GANC: variants seen among roughly 807,000 people sequenced by gnomAD.
GANC encodes the protein glucosidase alpha, neutral C.
A neutral mutation model predicts 124.2 loss-of-function variants in GANC; 117 were observed. That is an observed-to-expected ratio of 0.94 (90% CI 0.81 to 1.10). The LOEUF (loss-of-function observed/expected upper bound fraction) is 1.10, where lower values mean the gene tolerates loss of function less well. Ranked by LOEUF, GANC falls within the 50% of genes least tolerant of loss-of-function variation. GANC has a pLI of 0.00. For synonymous variants in GANC, 377 were observed against 376.8 expected (o/e 1.00, Z -0.01); for missense variants, 1,140 against 1,095.0 (o/e 1.04, Z -0.58).
rs146338244 is a variant in GANC, at chr15:42,330,606, C to T, written c.1675C>T (p.Arg559Ter). 43 of 1,611,468 alleles carry T rather than the reference C, an allele frequency of 2.7e-5. No individual in the cohort carries two copies. In the South Asian group the frequency reaches 3.1e-4, roughly 12 times the overall value. Residue 559 changes from arginine (R) to a stop codon, truncating the protein, a stop_gained, in exon 15 of 24, where the codon CGA becomes TGA. Transcript: ENST00000318010. LOFTEE classifies it high-confidence loss of function. ...QMATAEGLIK[R>*]SKGKERPFVL... ...GGCTACTGCAGAAGGACTGATAAAACGATCTAAAGGGAAGGAGAGACCCTT... is the reference window on the plus strand; with the variant it reads ...GGCTACTGCAGAAGGACTGATAAAATGATCTAAAGGGAAGGAGAGACCCTT...
At chr15:42,281,638 T>C (rs1258107723) in intron 3 of GANC, among the ~76,000 whole-genome samples, 1 of 152,128 alleles carries the variant, frequency 6.6e-6, no homozygotes, top group Non-Finnish European at 1.5e-5. Context: ...TGAGCCAAGA[T>C]TGTGCCACTA....
intron 5 of GANC, among the ~76,000 whole-genome samples, chr15:42,295,422 C>T (rs941488627): frequency 6.6e-5 from 10 of 151,298 alleles, no homozygotes; most frequent in African/African-American, 2.2e-4. Flanking sequence ...AGATTTTAAC[C>T]TCATAACATT....
At position 42,353,441 on chromosome 15, in the gene GANC, C is replaced by T. The variant is rs2052477404; in HGVS notation, c.*1302C>T. On this transcript the variant is annotated 3_prime_UTR_variant, in exon 24 of 24. Coordinates refer to ENST00000318010, the MANE Select transcript of GANC (RefSeq NM_198141.3). ...CATTAGCAGTGATTTTGCCCTTCCC[C>T]GTAATGCTGTCCCACTTATAACTGT... 5.2e-5 allele frequency: 49 copies of T among 939,978 alleles called. 1 individual carries two copies. Among genetic ancestry groups the T allele is most frequent in the Non-Finnish European group, 5.7e-5 (45 of 788,538 alleles). 58.2% of individuals were successfully genotyped at this position (939,978 alleles called of 1,614,324 possible).
intron 15 of GANC, among the ~76,000 whole-genome samples, chr15:42,330,892 A>G (rs556592195): frequency 5.3e-5 from 8 of 151,026 alleles, no homozygotes; most frequent in South Asian, 4.2e-4. Context: ...GGCTCAAGCA[A>G]TCCTCCCACC....
rs141777604 is a variant in GANC at position 42,290,095 on chromosome 15, T to C, written c.329+2277T>C. ...CTACCCAGTTTCTGATATTTTCTTA[T>C]GGCAGCCCTGCCAAACTAATAGAAC... is the stretch of plus-strand genomic sequence containing the variant. On this transcript the variant is annotated intron_variant, in intron 4 of 23. Transcript: ENST00000318010. 1.8e-4 allele frequency among the ~76,000 whole-genome samples: 27 copies of C among 152,360 alleles called. No individual in the cohort carries two copies. In the East Asian group the frequency reaches 5.2e-3, roughly 29 times the overall value.
At chr15:42,344,481 G>A (rs1488069365) in intron 19 of GANC, among the ~76,000 whole-genome samples, 1 of 152,186 alleles carries the variant, frequency 6.6e-6, no homozygotes, top group Non-Finnish European at 1.5e-5. Context: ...TAACCTCCTT[G>A]TCTCAGGATC....
chr15:42,318,667 G>A (rs905033234), intron 10 of GANC, among the ~76,000 whole-genome samples: 1 of 152,132 alleles, frequency 6.6e-6, no homozygotes, highest in South Asian at 2.1e-4. Context: ...GTTCACTGCA[G>A]CCTCAAGCTC....
At chr15:42,299,260 G>C (rs1410358482) in intron 6 of GANC, among the ~76,000 whole-genome samples, 1 of 152,194 alleles carries the variant, frequency 6.6e-6, no homozygotes, top group Non-Finnish European at 1.5e-5. Context: ...TTTATTGAGA[G>C]TTTTTAACAT....
chr15:42,323,484 T>C (rs1199725182), intron 11 of GANC, among the ~76,000 whole-genome samples: 4 of 145,106 alleles, frequency 2.8e-5, no homozygotes, highest in African/African-American at 1.0e-4. Context: ...AGGTGCATTT[T>C]ATTTTATTTA....
chr15:42,315,011 AC>A (rs1397412557), intron 10 of GANC, among the ~76,000 whole-genome samples: 1 of 152,178 alleles, frequency 6.6e-6, no homozygotes, highest in African/African-American at 2.4e-5. Flanking sequence ...TCAACCTCCA[AC>A]TATTAGGTAA....
chr15:42,291,990 CTTT>C (rs1217254854), intron 4 of GANC, among the ~76,000 whole-genome samples: 2 of 152,124 alleles, frequency 1.3e-5, no homozygotes, highest in Non-Finnish European at 2.9e-5. Context: ...TAAACTGTCT[CTTT>C]TTACCTTCCT....
chr15:42,338,271 A>G (rs2052299200), intron 15 of GANC, 118 bp from the exon 16 acceptor site: 12 of 554,456 alleles, frequency 2.2e-5, no homozygotes, highest in Non-Finnish European at 3.8e-5. Flanking sequence ...ATTTATTTTA[A>G]GGCAAGAAAT....
chr15:42,298,919 AGACTTTGCT>A (rs1472438434), intron 6 of GANC, among the ~76,000 whole-genome samples: 1 of 152,240 alleles, frequency 6.6e-6, no homozygotes, highest in Admixed American at 6.5e-5. Context: ...TTGTATCCTC[AGACTTTGCT>A]GAAGTTGCTT....
intron 15 of GANC, among the ~76,000 whole-genome samples, chr15:42,336,790 AAAAC>A (rs1185574892): frequency 6.6e-6 from 1 of 152,242 alleles, no homozygotes; most frequent in African/African-American, 2.4e-5. Flanking sequence ...TTTAAGAGAA[AAAAC>A]AAACAGCCCC....
chr15:42,310,634 G>A (rs1250027325), intron 9 of GANC, 59 bp from the exon 10 acceptor site: 62 of 1,576,414 alleles, frequency 3.9e-5, no homozygotes, highest in Non-Finnish European at 5.4e-5. Context: ...ACTTATATGT[G>A]GCTGGATGTT....
intron 15 of GANC, among the ~76,000 whole-genome samples, chr15:42,337,672 C>G (rs148936092): frequency 6.6e-6 from 1 of 152,176 alleles, no homozygotes; most frequent in Non-Finnish European, 1.5e-5. Context: ...CTGTGACACA[C>G]GAGTTTACCA....
At chr15:42,338,152 TA>T (rs978857254) in intron 15 of GANC, among the ~76,000 whole-genome samples, 2 of 150,018 alleles carry the variant, frequency 1.3e-5, no homozygotes, top group South Asian at 2.2e-4. Context: ...AAATTATACT[TA>T]AAAAAAAGTG....
At chr15:42,346,146 C>T (rs1044698640) in intron 20 of GANC, among the ~76,000 whole-genome samples, 4 of 152,196 alleles carry the variant, frequency 2.6e-5, no homozygotes, top group Middle Eastern at 3.2e-3. Flanking sequence ...CTTATGACCA[C>T]ATTTTTAACC....
chr15:42,334,994 T>C (rs886977162), intron 15 of GANC, among the ~76,000 whole-genome samples: 2 of 151,998 alleles, frequency 1.3e-5, no homozygotes, highest in Admixed American at 6.6e-5. Context: ...CAACCAAAAA[T>C]AGCCCAGGAC....
Sources: gnomAD v4.1 joint callset for allele counts (sites outside exome capture counted in the v4.1 genomes callset) on GRCh38, gnomAD v4.1.1 for gene constraint, MANE v1.5 for transcripts, NCBI Gene and HGNC (gene_info 2026-07-23, HGNC 2026-07-21) for gene names.